The following COL14A1 variants were observed in gnomAD, a reference collection of about 807,000 sequenced individuals.
COL14A1 encodes the protein collagen type XIV alpha 1 chain, also known as collagen alpha-1(XIV) chain.
Under a neutral mutation model 230.3 loss-of-function variants are expected in COL14A1, and 136 were observed. The observed-to-expected ratio is 0.59, with a 90% CI of 0.51 to 0.68. COL14A1 has a LOEUF of 0.68. Ranked by LOEUF, COL14A1 falls within the 30% of genes least tolerant of loss-of-function variation. The pLI is 0.00. For missense variants in COL14A1, 1,976 were observed against 2,215.8 expected, an observed-to-expected ratio of 0.89 and a Z score of 2.17; for synonymous variants, 792 against 784.1, an observed-to-expected ratio of 1.01 and a Z score of -0.17.
intron 45 of COL14A1, among the ~76,000 whole-genome samples, chr8:120,360,274 A>G (rs1586897750): frequency 6.6e-6 from 1 of 152,178 alleles, no homozygotes; most frequent in African/African-American, 2.4e-5. Context: ...GAAGCTTACG[A>G]CTTGGGGTTC....
intron 40 of COL14A1, among the ~76,000 whole-genome samples, chr8:120,326,459 T>C (rs912556111): frequency 6.6e-6 from 1 of 152,232 alleles, no homozygotes; most frequent in Admixed American, 6.5e-5. Context: ...CAGGTATTTC[T>C]GGGTAATATG....
At chr8:120,323,197 T>C (rs560433828) in intron 40 of COL14A1, among the ~76,000 whole-genome samples, 1 of 152,354 alleles carries the variant, frequency 6.6e-6, no homozygotes, top group Admixed American at 6.5e-5. Context: ...CATATGTTTG[T>C]TGGCTGCGTG....
At position 120,197,579 on chromosome 8, in the gene COL14A1, C is replaced by T. The variant is rs73327327; in HGVS notation, c.593-232C>T. On this transcript the variant is annotated intron_variant, in intron 6 of 47. Transcript: ENST00000297848. ...TTTTAATGCCAAGTACCTAATTGGG[C>T]GCTCATTTATAAATGGCTAAAAAAT... 9.2e-3 allele frequency among the ~76,000 whole-genome samples: 1,398 copies of T among 151,714 alleles called. 24 individuals carry two copies. Among genetic ancestry groups the T allele is most frequent in the African/African-American group, 0.032 (1,337 of 41,330 alleles).
chr8:120,316,147 A>G (rs1239280812), intron 40 of COL14A1, 150 bp downstream of exon 40: 3 of 674,734 alleles, frequency 4.4e-6, no homozygotes, highest in African/African-American at 3.7e-5. Context: ...ATCCTGCACT[A>G]TTTCCCTTCA....
intron 37 of COL14A1, among the ~76,000 whole-genome samples, chr8:120,311,337 C>A (rs1475625654): frequency 6.6e-6 from 1 of 152,158 alleles, no homozygotes; most frequent in Admixed American, 6.5e-5. Flanking sequence ...GTTCCCTCTT[C>A]CCAGTGCCTC....
At chr8:120,307,482 A>T (rs933659573) in intron 36 of COL14A1, among the ~76,000 whole-genome samples, 5 of 152,238 alleles carry the variant, frequency 3.3e-5, no homozygotes, top group African/African-American at 1.2e-4. Context: ...TCACACAACG[A>T]CAAAATTGCC....
intron 40 of COL14A1, among the ~76,000 whole-genome samples, chr8:120,328,361 C>T (rs768439601): frequency 1.3e-5 from 2 of 151,766 alleles, no homozygotes; most frequent in African/African-American, 2.4e-5. Flanking sequence ...GCTGGGACTA[C>T]AGGCACAAGC....
chr8:120,133,543 T>C (rs992183221), intron 1 of COL14A1, among the ~76,000 whole-genome samples: 2 of 152,164 alleles, frequency 1.3e-5, no homozygotes, highest in Non-Finnish European at 2.9e-5. Context: ...TTAGAGGATA[T>C]TCTTCATAAC....
At chr8:120,281,607 C>T (rs1820043732) in intron 31 of COL14A1, among the ~76,000 whole-genome samples, 1 of 151,640 alleles carries the variant, frequency 6.6e-6, no homozygotes, top group African/African-American at 2.4e-5. Flanking sequence ...AGCACTACTC[C>T]CAGCCATCTT....
chr8:120,325,066 T>A (rs1315901256), intron 40 of COL14A1, among the ~76,000 whole-genome samples: 1 of 152,232 alleles, frequency 6.6e-6, no homozygotes, highest in Non-Finnish European at 1.5e-5. Flanking sequence ...ACAACATGGT[T>A]TGCCAATTTC....
At chr8:120,206,140 A>G (rs2130744879) in intron 9 of COL14A1, among the ~76,000 whole-genome samples, 1 of 152,160 alleles carries the variant, frequency 6.6e-6, no homozygotes. Context: ...AAAAACATAG[A>G]CTCTTGTGTC....
chr8:120,331,107 C>CAAAA (rs35915187), intron 40 of COL14A1, among the ~76,000 whole-genome samples: 32 of 60,984 alleles, frequency 5.2e-4, no homozygotes, highest in Admixed American at 1.7e-3. Context: ...CTCTGTCTCA[C>CAAAA]AAAAAAAAAA....
chr8:120,310,854 C>G (rs1821011899), intron 37 of COL14A1, among the ~76,000 whole-genome samples: 1 of 152,182 alleles, frequency 6.6e-6, no homozygotes, highest in Non-Finnish European at 1.5e-5. Flanking sequence ...TACCGTTCAC[C>G]CTCTTTGCTG....
intron 46 of COL14A1, 138 bp downstream of exon 46, chr8:120,367,386 CT>C: frequency 1.4e-6 from 1 of 712,104 alleles, no homozygotes; most frequent in Non-Finnish European, 2.3e-6. Context: ...TATTGGGAGG[CT>C]TCTTTGTTAA....
chr8:120,145,389 C>T (rs376749901), intron 1 of COL14A1, among the ~76,000 whole-genome samples: 12 of 152,250 alleles, frequency 7.9e-5, no homozygotes, highest in African/African-American at 2.9e-4. Flanking sequence ...GAGGCCAAGG[C>T]GGGTGGATCA....
chr8:120,308,288 A>G (rs1820913875), intron 36 of COL14A1, among the ~76,000 whole-genome samples: 1 of 152,244 alleles, frequency 6.6e-6, no homozygotes, highest in African/African-American at 2.4e-5. Context: ...AGCCTGAAGC[A>G]TTGTTTAAAT....
chr8:120,252,854 C>G (rs749024878), intron 22 of COL14A1, among the ~76,000 whole-genome samples: 2 of 152,136 alleles, frequency 1.3e-5, no homozygotes, highest in Non-Finnish European at 2.9e-5. Flanking sequence ...CCCAGCGCCC[C>G]CCGATTGCAT....
chr8:120,148,086 A>G (rs979938167), intron 2 of COL14A1, among the ~76,000 whole-genome samples, 156 bp downstream of exon 2: 1 of 151,924 alleles, frequency 6.6e-6, no homozygotes, highest in African/African-American at 2.4e-5. Context: ...GATGAGGATT[A>G]CAACCTCACC....
chr8:120,247,793 T>A (rs1411063344), intron 21 of COL14A1, 58 bp downstream of exon 21: 2 of 1,581,694 alleles, frequency 1.3e-6, no homozygotes, highest in African/African-American at 2.7e-5. Context: ...AAATGTCTTT[T>A]AAGATAAATT....
Sources: allele counts gnomAD v4.1 joint callset (sites outside exome capture counted in the v4.1 genomes callset), GRCh38; gene constraint gnomAD v4.1.1; transcripts MANE v1.5; gene names NCBI Gene and HGNC (gene_info 2026-07-23, HGNC 2026-07-21).